The following DMD variants were observed in gnomAD, a reference collection of about 807,000 sequenced individuals.
DMD encodes the protein dystrophin, also known as mutant dystrophin.
In DMD, 63 loss-of-function variants were observed where a neutral mutation model predicts 330.1. That is an observed-to-expected ratio of 0.19 (90% confidence interval 0.16 to 0.24). The LOEUF (loss-of-function observed/expected upper bound fraction) is 0.24, where lower values mean the gene tolerates loss of function less well. Among genes scored for constraint, DMD ranks in the 10% least tolerant of loss-of-function variants. The pLI is 1.00. For synonymous variants in DMD, 1,223 were observed against 959.8 expected (o/e 1.27, Z -5.07); for missense variants, 3,344 against 2,684.1 (o/e 1.25, Z -5.43).
intron 2 of DMD, among the ~76,000 whole-genome samples, chrX:32,985,499 A>G (rs1347198483): frequency 9.0e-6 from 1 of 111,309 alleles, no homozygotes; most frequent in African/African-American, 3.3e-5. Context: ...CTGAATACCT[A>G]CCATAACACA....
intron 13 of DMD, among the ~76,000 whole-genome samples, chrX:32,577,337 T>C (rs757273120): frequency 1.7e-4 from 19 of 112,072 alleles, no homozygotes; most frequent in Non-Finnish European, 2.8e-4. Context: ...GTTTGTATTG[T>C]TTAAGCCACC....
At chrX:33,330,196 C>T (rs907239132) in intron 1 of DMD, among the ~76,000 whole-genome samples, 3 of 111,079 alleles carry the variant, frequency 2.7e-5, no homozygotes, top group Admixed American at 1.9e-4. Context: ...GAATGACTTT[C>T]TGGATGATTC....
chrX:32,027,162 G>A (rs1296230890), intron 44 of DMD, among the ~76,000 whole-genome samples: 5 of 20,368 alleles, frequency 2.5e-4, no homozygotes, highest in African/African-American at 7.6e-4. Context: ...ACACACGCAC[G>A]TGCACACACA....
At chrX:32,807,804 G>C (rs2077068126) in intron 7 of DMD, among the ~76,000 whole-genome samples, 1 of 111,717 alleles carries the variant, frequency 9.0e-6, no homozygotes, top group South Asian at 3.7e-4. Flanking sequence ...AGGAGCACTA[G>C]AGGTCAAAAG....
chrX:33,293,176 T>C (rs60235628), intron 1 of DMD, among the ~76,000 whole-genome samples: 3,110 of 111,475 alleles, frequency 0.028, 44 homozygotes, highest in South Asian at 0.065. Flanking sequence ...CCAGGCGATG[T>C]CTCTTTTTCA....
At chrX:32,987,376 T>A (rs2092872200) in intron 2 of DMD, among the ~76,000 whole-genome samples, 3 of 111,159 alleles carry the variant, frequency 2.7e-5, no homozygotes, top group African/African-American at 9.8e-5. Flanking sequence ...TAATAGGCCC[T>A]ACACCACTTC....
At chrX:33,134,278 G>A (rs1385416774) in intron 1 of DMD, among the ~76,000 whole-genome samples, 2 of 111,348 alleles carry the variant, frequency 1.8e-5, no homozygotes, top group Non-Finnish European at 3.8e-5. Flanking sequence ...AGCAGTAGAA[G>A]CAAAAACCTT....
chrX:31,944,480 C>CT (rs763562090), intron 45 of DMD, among the ~76,000 whole-genome samples: 3,294 of 98,582 alleles, frequency 0.033, 131 homozygotes, highest in African/African-American at 0.096. Flanking sequence ...ACAATTACCA[C>CT]TTTTTTTTTT....
intron 9 of DMD, among the ~76,000 whole-genome samples, chrX:32,648,148 T>C (rs2059902468): frequency 8.9e-6 from 1 of 112,086 alleles, no homozygotes; most frequent in Non-Finnish European, 1.9e-5. Context: ...AGGTGTATAC[T>C]TATACTCAAG....
At chrX:32,243,834 C>T (rs1204175864) in intron 43 of DMD, among the ~76,000 whole-genome samples, 2 of 111,197 alleles carry the variant, frequency 1.8e-5, no homozygotes, top group Non-Finnish European at 3.8e-5. Context: ...TTATCAGTAC[C>T]TATCCCATAC....
chrX:31,573,713 G>T (rs1422779802), intron 55 of DMD, among the ~76,000 whole-genome samples: 2 of 111,239 alleles, frequency 1.8e-5, no homozygotes, highest in African/African-American at 3.3e-5. Context: ...AAACTATAAA[G>T]GATCATATAC....
intron 51 of DMD, among the ~76,000 whole-genome samples, chrX:31,758,570 T>C (rs1196776938): frequency 9.0e-6 from 1 of 111,428 alleles, no homozygotes; most frequent in Non-Finnish European, 1.9e-5. Flanking sequence ...GTACCATCAA[T>C]TGGAAAGGGG....
intron 59 of DMD, among the ~76,000 whole-genome samples, chrX:31,473,254 A>G (rs977625911): frequency 5.5e-5 from 6 of 108,583 alleles, no homozygotes; most frequent in African/African-American, 2.0e-4. Context: ...CTGTAATCCC[A>G]GCTACTCAGG....
chrX:31,551,407 C>T (rs137891103), intron 55 of DMD, among the ~76,000 whole-genome samples: 2 of 110,581 alleles, frequency 1.8e-5, no homozygotes. Context: ...CCATCTACCA[C>T]CCCAAAGCTA....
At position 32,348,485 on chromosome X, in the gene DMD, A is replaced by G. The variant is rs756314351; in HGVS notation, c.5369T>C (p.Ile1790Thr). Residue 1790 changes from isoleucine to threonine, a missense_variant, in exon 38 of 79, where the codon ATA becomes ACA. Coordinates refer to ENST00000357033, the MANE Select transcript of DMD (RefSeq NM_004006.3). ...LKELEQFNSD[I>T]QKLLEPLEAE... ...CTCCAGTGGTTCAAGCAATTTTTGT[A>G]TATCTGAGTTAAACTGCTCCAATTC... 4 of 1,205,126 alleles carry G rather than the reference A, an allele frequency of 3.3e-6. No homozygotes were observed. Among genetic ancestry groups the G allele is most frequent in the South Asian group, 1.8e-5 (1 of 56,730 alleles).
chrX:32,066,253 C>T, intron 44 of DMD, among the ~76,000 whole-genome samples: 1 of 111,510 alleles, frequency 9.0e-6, no homozygotes, highest in South Asian at 3.7e-4. Flanking sequence ...CACAGGGGTG[C>T]TGGCTTATAA....
At chrX:31,126,435 G>A (rs769031745) in intron 78 of DMD, among the ~76,000 whole-genome samples, 1 of 111,844 alleles carries the variant, frequency 8.9e-6, no homozygotes, top group South Asian at 3.8e-4. Context: ...CCCCAGTCTT[G>A]TCGTCATGGT....
chrX:32,045,296 G>C (rs1426107816), intron 44 of DMD, among the ~76,000 whole-genome samples: 2 of 108,629 alleles, frequency 1.8e-5, no homozygotes, highest in African/African-American at 6.8e-5. Context: ...ATCCCTCACA[G>C]CTTGATGCTG....
At chrX:32,149,663 C>A (rs2096795103) in intron 44 of DMD, among the ~76,000 whole-genome samples, 1 of 111,339 alleles carries the variant, frequency 9.0e-6, no homozygotes, top group Non-Finnish European at 1.9e-5. Context: ...GAATTTGGAC[C>A]CAGAAAGATT....
Sources: allele counts gnomAD v4.1 joint callset (sites outside exome capture counted in the v4.1 genomes callset), GRCh38; gene constraint gnomAD v4.1.1; transcripts MANE v1.5; gene names NCBI Gene and HGNC (gene_info 2026-07-23, HGNC 2026-07-21).